The following USP32 variants were observed in gnomAD, a reference collection of about 807,000 sequenced individuals.
USP32 encodes ubiquitin specific peptidase 32.
USP32 carries 59 observed loss-of-function variants against 204.8 expected under a neutral mutation model. The ratio of observed to expected loss-of-function variants is 0.29; its 90% CI spans 0.23 to 0.36. The LOEUF is 0.36. Among genes scored for constraint, USP32 ranks in the 10% least tolerant of loss-of-function variants. The pLI is 1.00. For synonymous variants in USP32, 517 were observed against 678.4 expected (o/e 0.76, Z 3.70); for missense variants, 1,160 against 1,946.4 (o/e 0.60, Z 7.60).
chr17:60,203,496 A>T (rs2145469081), intron 26 of USP32, among the ~76,000 whole-genome samples: 1 of 151,626 alleles, frequency 6.6e-6, no homozygotes, highest in Middle Eastern at 3.5e-3. Flanking sequence ...CCAATACAGT[A>T]CCTTTTTTAC....
chr17:60,247,835 T>C (rs1377516696), intron 11 of USP32, among the ~76,000 whole-genome samples: 1 of 152,100 alleles, frequency 6.6e-6, no homozygotes, highest in Non-Finnish European at 1.5e-5. Flanking sequence ...AGGCATGTGC[T>C]ATCACACCTG....
At position 60,389,621 on chromosome 17, in the gene USP32, T is replaced by C. The variant is rs182467584; in HGVS notation, c.58+2261A>G. On this transcript the variant is annotated intron_variant, in intron 1 of 33. Coordinates refer to ENST00000300896, the MANE Select transcript of USP32 (RefSeq NM_032582.4). ...AGTCTGACATTTACTAAATGGACCATGCTTAAAGAAGGGGGCTTCTGGTTT... is the reference window on the plus strand; with the variant it reads ...AGTCTGACATTTACTAAATGGACCACGCTTAAAGAAGGGGGCTTCTGGTTT... Among the ~76,000 whole-genome samples the C allele has an allele frequency of 1.4e-3, 206 of 151,990 alleles. 4 individuals carry two copies. The highest frequency in any genetic ancestry group is 4.6e-3 in the African/African-American group (190 of 41,280).
chr17:60,360,621 G>A (rs1033110012), intron 1 of USP32, among the ~76,000 whole-genome samples: 1 of 152,008 alleles, frequency 6.6e-6, no homozygotes, highest in Non-Finnish European at 1.5e-5. Flanking sequence ...GTTGCAGTGA[G>A]CTGAGATTGC....
At position 60,372,986 on chromosome 17, in the gene USP32, G is replaced by A. The variant is rs772720742; in HGVS notation, c.58+18896C>T. On this transcript the variant is annotated intron_variant, in intron 1 of 33. Transcript: ENST00000300896. ...TCAAGAATAGCCTGGCTAACATAGC[G>A]AGGTCTCTACAAAACATAAAAAACA... 2.4e-4 allele frequency among the ~76,000 whole-genome samples: 37 copies of A among 151,808 alleles called. 1 individual carries two copies. The highest frequency in any genetic ancestry group is 1.8e-3 in the Admixed American group (28 of 15,230).
At chr17:60,405,346 G>T (rs2089967554) in intron 1 of USP32, among the ~76,000 whole-genome samples, 1 of 151,968 alleles carries the variant, frequency 6.6e-6, no homozygotes, top group Non-Finnish European at 1.5e-5. Flanking sequence ...GGGATTACAG[G>T]CACACACCTC....
intron 1 of USP32, among the ~76,000 whole-genome samples, chr17:60,361,051 C>A (rs2089196294): frequency 6.6e-6 from 1 of 151,472 alleles, no homozygotes; most frequent in Non-Finnish European, 1.5e-5. Context: ...ATTGCTTGAA[C>A]CTGAGAGGCG....
intron 29 of USP32, among the ~76,000 whole-genome samples, chr17:60,188,129 C>T (rs947465820): frequency 1.3e-5 from 2 of 152,026 alleles, no homozygotes; most frequent in South Asian, 4.1e-4. Flanking sequence ...TACAGGTGCA[C>T]ACCACCACAC....
chr17:60,196,294 GT>G (rs2084515462), intron 27 of USP32, among the ~76,000 whole-genome samples: 1 of 140,166 alleles, frequency 7.1e-6, no homozygotes, highest in East Asian at 2.0e-4. Context: ...AAAAAAAGAA[GT>G]CAGCCTGGAT....
chr17:60,200,569 A>AC (rs1019865634), intron 26 of USP32, among the ~76,000 whole-genome samples: 5 of 152,140 alleles, frequency 3.3e-5, no homozygotes, highest in Admixed American at 3.3e-4. Flanking sequence ...GCAAAAAAAA[A>AC]AAAAAAGTAC....
chr17:60,323,763 A>G (rs1234074390), intron 2 of USP32, among the ~76,000 whole-genome samples: 1 of 152,234 alleles, frequency 6.6e-6, no homozygotes, highest in Admixed American at 6.5e-5. Flanking sequence ...TGAAAGTCAA[A>G]TATAACAAGA....
chr17:60,243,569 T>C (rs2085933424), intron 11 of USP32, among the ~76,000 whole-genome samples: 1 of 152,178 alleles, frequency 6.6e-6, no homozygotes, highest in African/African-American at 2.4e-5. Context: ...AAAATGTTAT[T>C]TATGTACACT....
At chr17:60,363,394 G>A (rs1368196174) in intron 1 of USP32, among the ~76,000 whole-genome samples, 1 of 146,654 alleles carries the variant, frequency 6.8e-6, no homozygotes, top group African/African-American at 2.5e-5. Context: ...GGTGGAGGTT[G>A]CAGTGAACCA....
intron 5 of USP32, among the ~76,000 whole-genome samples, chr17:60,280,871 T>C (rs1251878895): frequency 6.6e-6 from 1 of 152,218 alleles, no homozygotes; most frequent in Non-Finnish European, 1.5e-5. Context: ...AGTCATCAAA[T>C]TGTAAACCTA....
chr17:60,213,194 A>G (rs1450245474), intron 18 of USP32, among the ~76,000 whole-genome samples: 1 of 152,232 alleles, frequency 6.6e-6, no homozygotes, highest in African/African-American at 2.4e-5. Context: ...TGAGTAGCCA[A>G]TGTTGGTGAC....
chr17:60,378,193 A>G (rs1480815020), intron 1 of USP32, among the ~76,000 whole-genome samples: 1 of 152,210 alleles, frequency 6.6e-6, no homozygotes, highest in Non-Finnish European at 1.5e-5. Flanking sequence ...CACATTAAAA[A>G]AATGCTCATT....
intron 26 of USP32, among the ~76,000 whole-genome samples, chr17:60,201,701 C>A (rs1244114509): frequency 6.6e-6 from 1 of 151,578 alleles, no homozygotes; most frequent in Admixed American, 6.6e-5. Context: ...CTCTGTTGCC[C>A]AGGCTGGAAT....
intron 1 of USP32, among the ~76,000 whole-genome samples, chr17:60,358,260 T>G (rs2089132465): frequency 6.6e-6 from 1 of 152,142 alleles, no homozygotes; most frequent in African/African-American, 2.4e-5. Flanking sequence ...AAAATAAGTT[T>G]TAAATTCCAG....
intron 2 of USP32, among the ~76,000 whole-genome samples, chr17:60,312,218 G>A (rs1260311107): frequency 6.6e-6 from 1 of 152,194 alleles, no homozygotes. Flanking sequence ...GCGGAAACCA[G>A]AGTTTGAAGT....
chr17:60,312,975 G>A lies in USP32; in HGVS notation c.187-11271C>T, dbSNP rs140629289. Among the ~76,000 whole-genome samples the A allele has an allele frequency of 1.1e-3, 169 of 152,068 alleles. 1 individual carries two copies. The highest frequency in any genetic ancestry group is 3.1e-3 in the African/African-American group (128 of 41,466). On this transcript the variant is annotated intron_variant, in intron 2 of 33. Coordinates refer to ENST00000300896, the MANE Select transcript of USP32 (RefSeq NM_032582.4). ...TGCAAGCTCTGTGGCTGGGCACGGT[G>A]GCTCATGCCTGTAATCCCAGATCCC...
Sources: allele counts gnomAD v4.1 joint callset (sites outside exome capture counted in the v4.1 genomes callset), GRCh38; gene constraint gnomAD v4.1.1; transcripts MANE v1.5; gene names NCBI Gene and HGNC (gene_info 2026-07-23, HGNC 2026-07-21).